The following SLC4A10 variants were observed in gnomAD, a reference collection of about 807,000 sequenced individuals.
The protein encoded by SLC4A10 is solute carrier family 4 member 10.
SLC4A10 carries 42 observed loss-of-function variants against 137.7 expected under a neutral mutation model. The ratio of observed to expected loss-of-function variants is 0.30; its 90% CI spans 0.24 to 0.39. SLC4A10 has a LOEUF of 0.39. SLC4A10 is among the 10% of genes least tolerant of loss of function. The pLI, the probability that SLC4A10 is intolerant of heterozygous loss-of-function variation, is 1.00. For missense variants in SLC4A10, 925 were observed against 1,355.0 expected, an observed-to-expected ratio of 0.68 and a Z score of 4.98; for synonymous variants, 474 against 464.1, an observed-to-expected ratio of 1.02 and a Z score of -0.27.
At chr2:161,726,636 C>T (rs1030156192) in intron 1 of SLC4A10, among the ~76,000 whole-genome samples, 16 of 152,162 alleles carry the variant, frequency 1.1e-4, no homozygotes, top group South Asian at 4.1e-4. Context: ...TCGCCGGGTG[C>T]GGTGGCTCAC....
At chr2:161,678,791 G>A (rs1340584923) in intron 1 of SLC4A10, among the ~76,000 whole-genome samples, 1 of 152,104 alleles carries the variant, frequency 6.6e-6, no homozygotes, top group Non-Finnish European at 1.5e-5. Flanking sequence ...CTTGCATTGA[G>A]TGGTTTACTC....
chr2:161,695,960 C>T (rs902936689), intron 1 of SLC4A10, among the ~76,000 whole-genome samples: 3 of 150,922 alleles, frequency 2.0e-5, no homozygotes, highest in South Asian at 2.1e-4. Context: ...ATGTGCACAA[C>T]GTGCAGGTTT....
chr2:161,972,911 G>A (rs1023578926), intron 23 of SLC4A10, among the ~76,000 whole-genome samples: 1 of 152,188 alleles, frequency 6.6e-6, no homozygotes, highest in African/African-American at 2.4e-5. Context: ...AGCTGAAGAG[G>A]CACTAGAAAA....
intron 21 of SLC4A10, among the ~76,000 whole-genome samples, chr2:161,962,018 T>C (rs943230653): frequency 1.3e-5 from 2 of 152,170 alleles, no homozygotes; most frequent in African/African-American, 2.4e-5. Flanking sequence ...GATACTAGGA[T>C]ATAATAAAAA....
chr2:161,982,407 G>T (rs1700343928), intron 26 of SLC4A10, among the ~76,000 whole-genome samples: 1 of 152,096 alleles, frequency 6.6e-6, no homozygotes, highest in African/African-American at 2.4e-5. Flanking sequence ...GTGTACGATG[G>T]GAAAATATTG....
rs71009343 is a variant in SLC4A10 at position 161,836,530 on chromosome 2, GAGAAAGAAAGAAAGAAAGAAAGAAAGAA to G, written c.278-3216_278-3189del. 7.2e-3 allele frequency among the ~76,000 whole-genome samples: 565 copies of G among 78,964 alleles called. 12 individuals carry two copies. Among genetic ancestry groups the G allele is most frequent in the Middle Eastern group, 0.019 (3 of 160 alleles). The allele number at this position is 78,964 out of a possible 152,430, so 51.8% of individuals were successfully genotyped here. The stretch of plus-strand genomic sequence containing the variant: ...AAAGAAAGAAAGAAAGAGAGAGAGA[GAGAAAGAAAGAAAGAAAGAAAGAAAGAA>G]AGAAAGAAAGAAAGAAAGAAAGAAA... On this transcript the variant is annotated intron_variant, in intron 3 of 26. Transcript: ENST00000446997.
chr2:161,706,641 C>A lies in SLC4A10; in HGVS notation c.49-64332C>A, dbSNP rs13014399. Reference sequence around the variant, plus strand: ...TTAAACCTGATTATGCTGACAGTTTCTCATTTCCCTAAGGGTAAAGCTCAC... The same window carrying A: ...TTAAACCTGATTATGCTGACAGTTTATCATTTCCCTAAGGGTAAAGCTCAC... On this transcript the variant is annotated intron_variant, in intron 1 of 26. Transcript: ENST00000446997. Among the ~76,000 whole-genome samples the A allele has an allele frequency of 3.3e-5, 5 of 151,438 alleles. No individual in the cohort carries two copies. The East Asian group carries it at 9.7e-4, about 29-fold the overall frequency.
At chr2:161,915,819 G>A (rs150418881) in intron 15 of SLC4A10, among the ~76,000 whole-genome samples, 27 of 152,264 alleles carry the variant, frequency 1.8e-4, no homozygotes, top group Middle Eastern at 3.4e-3. Context: ...AAAATATCCT[G>A]CTTCAATATG....
intron 10 of SLC4A10, among the ~76,000 whole-genome samples, chr2:161,893,724 GA>G (rs1287526078): frequency 1.3e-5 from 2 of 151,554 alleles, no homozygotes; most frequent in African/African-American, 4.8e-5. Flanking sequence ...AAAAATATTC[GA>G]GGGGGGGACA....
At chr2:161,771,160 G>A in intron 2 of SLC4A10, 106 bp downstream of exon 2, 1 of 795,982 alleles carries the variant, frequency 1.3e-6, no homozygotes, top group East Asian at 2.7e-5. Flanking sequence ...TGGTATCAGA[G>A]TAATGGTAGC....
intron 24 of SLC4A10, among the ~76,000 whole-genome samples, chr2:161,975,893 C>T (rs1003036441): frequency 2.6e-5 from 4 of 152,160 alleles, no homozygotes; most frequent in African/African-American, 9.7e-5. Context: ...AGCAGGGATG[C>T]AGTGGCAGGA....
chr2:161,699,744 T>C (rs1311506670), intron 1 of SLC4A10, among the ~76,000 whole-genome samples: 2 of 152,176 alleles, frequency 1.3e-5, no homozygotes, highest in East Asian at 1.9e-4. Flanking sequence ...GAAGGTTTCA[T>C]GGAAGATGTT....
chr2:161,816,284 T>G (rs568753008), intron 3 of SLC4A10, among the ~76,000 whole-genome samples: 1 of 152,148 alleles, frequency 6.6e-6, no homozygotes, highest in East Asian at 1.9e-4. Flanking sequence ...TCAAAATTCT[T>G]TGGAATTCAA....
Position 161,905,880 on chromosome 2 carries a change from C to G in SLC4A10, c.1990C>G (p.Gln664Glu). The change falls in exon 15 of 27, where the codon CAA (glutamine) becomes GAA (glutamate). Residue 664 changes from glutamine (Q) to glutamate (E), a missense_variant. Gln to Glu is a conservative substitution (Grantham distance 29). Around this residue, in one of 11 missense-constraint regions of SLC4A10, gnomAD observed 91 missense variants for 95.6 expected, o/e 0.95. Coordinates refer to ENST00000446997, the MANE Select transcript of SLC4A10 (RefSeq NM_001178015.2). ...NMHNDLELLT[Q>E]YSCNCVEPHN... ...GCATAATGATCTGGAACTGCTGACA[C>G]AATACTCGTAAGTACCATTTCCCCT... is the stretch of plus-strand genomic sequence containing the variant. 6.2e-7 allele frequency: 1 copy of G among 1,608,126 alleles called. No homozygotes were observed.
chr2:161,651,928 G>T (rs1164101542), intron 1 of SLC4A10, among the ~76,000 whole-genome samples: 1 of 152,202 alleles, frequency 6.6e-6, no homozygotes, highest in Non-Finnish European at 1.5e-5. Context: ...CAGGCAGAAG[G>T]CGCCGCTGGC....
intron 5 of SLC4A10, among the ~76,000 whole-genome samples, chr2:161,859,574 TTTTTC>T (rs1169168918): frequency 8.5e-5 from 12 of 141,196 alleles, no homozygotes; most frequent in African/African-American, 1.8e-4. Flanking sequence ...ATTTGTCCTT[TTTTTC>T]TTTTCTTTTC....
intron 15 of SLC4A10, among the ~76,000 whole-genome samples, chr2:161,915,719 C>T (rs1197596706): frequency 6.6e-6 from 1 of 152,230 alleles, no homozygotes; most frequent in Non-Finnish European, 1.5e-5. Flanking sequence ...TTCCCACACT[C>T]ATTCACTCAT....
chr2:161,765,125 A>G (rs751288658), intron 1 of SLC4A10, among the ~76,000 whole-genome samples: 2 of 152,266 alleles, frequency 1.3e-5, no homozygotes, highest in Middle Eastern at 3.4e-3. Context: ...AGAATACCAT[A>G]GAGTAGAAAA....
rs963174358 is a variant in SLC4A10 at position 161,983,668 on chromosome 2, A to G, written c.*516A>G. On this transcript the variant is annotated 3_prime_UTR_variant, in exon 27 of 27. Coordinates refer to ENST00000446997, the MANE Select transcript of SLC4A10 (RefSeq NM_001178015.2). The stretch of plus-strand genomic sequence containing the variant: ...TTTTATAGCTTAGCATTAGTGACTT[A>G]TTTCAAAAGACCCAAATCAAAAAGT... 5 of 154,108 alleles carry G rather than the reference A, an allele frequency of 3.2e-5. No individual in the cohort carries two copies. Among genetic ancestry groups the G allele is most frequent in the African/African-American group, 1.2e-4 (5 of 41,668 alleles). The allele number at this position is 154,108 out of a possible 1,614,324, so 9.5% of individuals were successfully genotyped here.
Sources: allele counts gnomAD v4.1 joint callset (sites outside exome capture counted in the v4.1 genomes callset), GRCh38; gene constraint gnomAD v4.1.1; regional missense constraint gnomAD v4.1.1; transcripts MANE v1.5; gene names NCBI Gene and HGNC (gene_info 2026-07-23, HGNC 2026-07-21).